Variants in SEMA5A observed in about 807,000 individuals in gnomAD.
SEMA5A encodes semaphorin-5A.
In SEMA5A, 55 loss-of-function variants were observed where a neutral mutation model predicts 135.5. The ratio of observed to expected loss-of-function variants is 0.41; its 90% CI spans 0.33 to 0.51. SEMA5A has a LOEUF of 0.51. Among genes scored for constraint, SEMA5A ranks in the 20% least tolerant of loss-of-function variants. The pLI, the probability that SEMA5A is intolerant of heterozygous loss-of-function variation, is 0.37. For missense variants in SEMA5A, 1,290 were observed against 1,419.9 expected (o/e 0.91, Z 1.47); for synonymous variants, 580 against 546.5 (o/e 1.06, Z -0.85).
At chr5:9,384,607 GATAGATAGATAC>G (rs1561207789) in intron 2 of SEMA5A, among the ~76,000 whole-genome samples, 1,007 of 87,118 alleles carry the variant, frequency 0.012, 44 homozygotes, top group Middle Eastern at 0.023. Context: ...TAGATAGATA[GATAGATAGATAC>G]ATAGATAGAT....
chr5:9,429,960 C>A (rs779571010), intron 2 of SEMA5A, among the ~76,000 whole-genome samples: 1 of 152,156 alleles, frequency 6.6e-6, no homozygotes, highest in African/African-American at 2.4e-5. Context: ...GAAAAGACCA[C>A]GGAGGCCCAA....
intron 21 of SEMA5A, among the ~76,000 whole-genome samples, chr5:9,048,969 G>T (rs1736415145): frequency 6.6e-6 from 1 of 152,124 alleles, no homozygotes; most frequent in South Asian, 2.1e-4. Context: ...GGTCTCTGAT[G>T]ATATGATTGC....
chr5:9,360,844 A>G (rs1200975744), intron 3 of SEMA5A, among the ~76,000 whole-genome samples: 1 of 152,226 alleles, frequency 6.6e-6, no homozygotes, highest in African/African-American at 2.4e-5. Context: ...TCTGTGATTT[A>G]TCTTTTGAAT....
At chr5:9,046,725 G>C (rs375369587) in intron 21 of SEMA5A, among the ~76,000 whole-genome samples, 251 of 152,246 alleles carry the variant, frequency 1.6e-3, no homozygotes, top group African/African-American at 5.8e-3. Flanking sequence ...GTGCTCCTTG[G>C]CTGCTCCAGA....
intron 1 of SEMA5A, among the ~76,000 whole-genome samples, chr5:9,542,771 C>T (rs1198128579): frequency 6.6e-6 from 1 of 152,128 alleles, no homozygotes. Flanking sequence ...AAATGGATTC[C>T]TTGACTGGGA....
chr5:9,388,279 C>T (rs1487522563), intron 2 of SEMA5A, among the ~76,000 whole-genome samples: 1 of 152,116 alleles, frequency 6.6e-6, no homozygotes, highest in Non-Finnish European at 1.5e-5. Context: ...TGTTATTATA[C>T]TTTTGTCTTC....
chr5:9,471,527 T>C (rs1759478473), intron 1 of SEMA5A, among the ~76,000 whole-genome samples: 2 of 152,144 alleles, frequency 1.3e-5, no homozygotes, highest in African/African-American at 4.8e-5. Flanking sequence ...TAAGTAAGGA[T>C]AGGAATGCTT....
intron 5 of SEMA5A, among the ~76,000 whole-genome samples, chr5:9,258,734 C>T (rs1056978883): frequency 6.7e-6 from 1 of 149,302 alleles, no homozygotes; most frequent in African/African-American, 2.5e-5. Context: ...AGTGTCTGCA[C>T]ATAGTAAGCC....
At chr5:9,058,273 G>C (rs1737000218) in intron 18 of SEMA5A, among the ~76,000 whole-genome samples, 1 of 152,178 alleles carries the variant, frequency 6.6e-6, no homozygotes, top group East Asian at 1.9e-4. Context: ...GCATAGAGAG[G>C]TTAGGTCCTG....
At chr5:9,256,588 A>G (rs1749079612) in intron 5 of SEMA5A, among the ~76,000 whole-genome samples, 1 of 152,228 alleles carries the variant, frequency 6.6e-6, no homozygotes. Flanking sequence ...TTGGCAGCAC[A>G]CTTACCAGTT....
At chr5:9,221,894 CA>C (rs1362458968) in intron 8 of SEMA5A, among the ~76,000 whole-genome samples, 3 of 152,016 alleles carry the variant, frequency 2.0e-5, no homozygotes, top group African/African-American at 7.2e-5. Context: ...GGGGTAGTTG[CA>C]AGGGGAGAGG....
chr5:9,362,827 G>A (rs553755186), intron 3 of SEMA5A, among the ~76,000 whole-genome samples: 1 of 152,230 alleles, frequency 6.6e-6, no homozygotes, highest in Non-Finnish European at 1.5e-5. Flanking sequence ...AAACTCTTTA[G>A]TCTTCAACTA....
At chr5:9,249,903 C>G (rs532688476) in intron 5 of SEMA5A, among the ~76,000 whole-genome samples, 3 of 152,192 alleles carry the variant, frequency 2.0e-5, no homozygotes, top group East Asian at 1.9e-4. Context: ...AGAACTGGAC[C>G]CCAGGGTGGG....
intron 8 of SEMA5A, among the ~76,000 whole-genome samples, chr5:9,209,850 A>G (rs887931039): frequency 1.3e-5 from 2 of 152,252 alleles, no homozygotes; most frequent in Non-Finnish European, 2.9e-5. Context: ...CATTTTAGAA[A>G]CAAGATGACA....
chr5:9,157,881 G>T (rs1266688827), intron 11 of SEMA5A, among the ~76,000 whole-genome samples: 1 of 152,242 alleles, frequency 6.6e-6, no homozygotes, highest in Admixed American at 6.5e-5. Context: ...GAGGACAATA[G>T]CAGGACCCTG....
At chr5:9,168,908 T>C (rs1743760060) in intron 11 of SEMA5A, among the ~76,000 whole-genome samples, 1 of 152,184 alleles carries the variant, frequency 6.6e-6, no homozygotes, top group African/African-American at 2.4e-5. Flanking sequence ...TCTAAAATCA[T>C]AGTGCATTAA....
chr5:9,254,487 T>C (rs1748960418), intron 5 of SEMA5A, among the ~76,000 whole-genome samples: 1 of 152,104 alleles, frequency 6.6e-6, no homozygotes, highest in Non-Finnish European at 1.5e-5. Flanking sequence ...TGGAAAAACA[T>C]CTCACATTCA....
chr5:9,479,936 T>G (rs1759811575), intron 1 of SEMA5A, among the ~76,000 whole-genome samples: 1 of 152,234 alleles, frequency 6.6e-6, no homozygotes, highest in Non-Finnish European at 1.5e-5. Flanking sequence ...CACAAAATAC[T>G]TCTTGAAAGA....
intron 1 of SEMA5A, among the ~76,000 whole-genome samples, chr5:9,445,664 G>C (rs1260388590): frequency 6.6e-6 from 1 of 151,812 alleles, no homozygotes; most frequent in Non-Finnish European, 1.5e-5. Flanking sequence ...GTGAGACTCT[G>C]TCTCAAAAAA....
Sources: gnomAD v4.1 joint callset for allele counts (sites outside exome capture counted in the v4.1 genomes callset) on GRCh38, gnomAD v4.1.1 for gene constraint, MANE v1.5 for transcripts, NCBI Gene and HGNC (gene_info 2026-07-23, HGNC 2026-07-21) for gene names.